Variants in TCF20 observed in about 807,000 individuals in gnomAD.
TCF20 encodes the protein transcription factor 20.
In TCF20, 3 loss-of-function variants were observed where a neutral mutation model predicts 148.6. The observed-to-expected ratio is 0.02, with a 90% CI of 0.01 to 0.05. The LOEUF (loss-of-function observed/expected upper bound fraction) is 0.05. Among genes scored for constraint, TCF20 ranks in the 10% least tolerant of loss-of-function variants. The pLI is 1.00. For synonymous variants in TCF20, 1,049 were observed against 909.5 expected (o/e 1.15, Z -2.76); for missense variants, 2,350 against 2,429.3 (o/e 0.97, Z 0.69).
At chr22:42,218,153 C>T (rs557254651) in intron 1 of TCF20, among the ~76,000 whole-genome samples, 2 of 152,316 alleles carry the variant, frequency 1.3e-5, no homozygotes, top group African/African-American at 4.8e-5. Flanking sequence ...ACAACACTAG[C>T]ACGCTCCTTT....
intron 5 of TCF20, among the ~76,000 whole-genome samples, chr22:42,166,309 T>C (rs1272782124): frequency 6.6e-6 from 1 of 152,140 alleles, no homozygotes; most frequent in Non-Finnish European, 1.5e-5. Context: ...TGAAGCTCAT[T>C]GTTCTGTTCA....
intron 2 of TCF20, among the ~76,000 whole-genome samples, chr22:42,193,235 A>G (rs1012457086): frequency 1.3e-5 from 2 of 151,970 alleles, no homozygotes; most frequent in Admixed American, 6.5e-5. Flanking sequence ...AATATAACCA[A>G]GTTTAGAAAT....
chr22:42,339,167 C>T (rs1045147772), intron 1 of TCF20, among the ~76,000 whole-genome samples: 1 of 152,234 alleles, frequency 6.6e-6, no homozygotes, highest in African/African-American at 2.4e-5. Context: ...GCACCCAAGG[C>T]TCAGACTCCT....
chr22:42,228,264 G>A (rs558323993), intron 1 of TCF20, among the ~76,000 whole-genome samples: 1 of 152,186 alleles, frequency 6.6e-6, no homozygotes, highest in African/African-American at 2.4e-5. Context: ...CAGTCAAAAC[G>A]GACACAGTCT....
intron 1 of TCF20, among the ~76,000 whole-genome samples, chr22:42,322,207 G>GT (rs1927745272): frequency 6.6e-6 from 1 of 151,866 alleles, no homozygotes; most frequent in African/African-American, 2.4e-5. Context: ...AGAATAAAGA[G>GT]TTCATTCATT....
At chr22:42,240,239 T>G (rs895150173) in intron 1 of TCF20, among the ~76,000 whole-genome samples, 1 of 152,152 alleles carries the variant, frequency 6.6e-6, no homozygotes, top group Non-Finnish European at 1.5e-5. Context: ...GAGCTGGGAT[T>G]CAAAAATCAG....
intron 1 of TCF20, among the ~76,000 whole-genome samples, chr22:42,311,266 T>G (rs1240211647): frequency 1.3e-5 from 2 of 152,226 alleles, no homozygotes; most frequent in African/African-American, 4.8e-5. Flanking sequence ...GGGGGCTGCC[T>G]AAGTGCTTCA....
intron 2 of TCF20, among the ~76,000 whole-genome samples, chr22:42,194,414 A>G (rs1487471191): frequency 6.6e-6 from 1 of 152,220 alleles, no homozygotes; most frequent in Non-Finnish European, 1.5e-5. Flanking sequence ...AAACTAAAAC[A>G]TTAGTAGTTG....
chr22:42,257,852 G>GC (rs926949399), intron 1 of TCF20, among the ~76,000 whole-genome samples: 1 of 152,150 alleles, frequency 6.6e-6, no homozygotes, highest in African/African-American at 2.4e-5. Context: ...AGATGAGAGT[G>GC]CCCCCCTGCC....
intron 1 of TCF20, among the ~76,000 whole-genome samples, chr22:42,244,961 T>C (rs1218335854): frequency 6.6e-6 from 1 of 151,958 alleles, no homozygotes; most frequent in Non-Finnish European, 1.5e-5. Flanking sequence ...TGCGCACCTG[T>C]AATCCTAGCT....
intron 1 of TCF20, among the ~76,000 whole-genome samples, chr22:42,249,825 C>G (rs1013290977): frequency 6.6e-6 from 1 of 152,198 alleles, no homozygotes; most frequent in African/African-American, 2.4e-5. Flanking sequence ...CACATCATTT[C>G]TAATACTGGA....
At chr22:42,256,315 T>C (rs1036147709) in intron 1 of TCF20, among the ~76,000 whole-genome samples, 1 of 152,232 alleles carries the variant, frequency 6.6e-6, no homozygotes, top group African/African-American at 2.4e-5. Flanking sequence ...TGTGTGTGCC[T>C]AGCATGGCAA....
At chr22:42,316,499 C>A (rs901074485) in intron 1 of TCF20, among the ~76,000 whole-genome samples, 1 of 152,150 alleles carries the variant, frequency 6.6e-6, no homozygotes, top group African/African-American at 2.4e-5. Context: ...CAGAGAAGGG[C>A]GAGGTGGGCA....
intron 1 of TCF20, among the ~76,000 whole-genome samples, chr22:42,293,564 A>G (rs1359177555): frequency 6.6e-6 from 1 of 151,930 alleles, no homozygotes; most frequent in East Asian, 1.9e-4. Flanking sequence ...TCCCTGCCTG[A>G]CTCTGTAAGG....
chr22:42,318,198 C>A (rs1927668316), intron 1 of TCF20, among the ~76,000 whole-genome samples: 1 of 152,244 alleles, frequency 6.6e-6, no homozygotes, highest in South Asian at 2.1e-4. Context: ...GTTTGGGGAA[C>A]GGCTGGATCT....
At chr22:42,230,383 C>A (rs1448028646) in intron 1 of TCF20, among the ~76,000 whole-genome samples, 1 of 152,158 alleles carries the variant, frequency 6.6e-6, no homozygotes, top group East Asian at 1.9e-4. Flanking sequence ...ATAGCACATA[C>A]AACTATGTAC....
chr22:42,272,180 C>T (rs2147006261), upstream of TCF20, among the ~76,000 whole-genome samples: 1 of 152,348 alleles, frequency 6.6e-6, no homozygotes, highest in South Asian at 2.1e-4. Flanking sequence ...GCCCTGCCCT[C>T]TGATTATTCC....
intron 1 of TCF20, among the ~76,000 whole-genome samples, chr22:42,238,435 T>C (rs776612316): frequency 1.9e-4 from 29 of 152,262 alleles, no homozygotes; most frequent in Non-Finnish European, 2.9e-4. Flanking sequence ...TTCTCATTCA[T>C]GTGTTCACTG....
chr22:42,295,251 C>G (rs1195290939), intron 1 of TCF20, among the ~76,000 whole-genome samples: 2 of 152,224 alleles, frequency 1.3e-5, no homozygotes, highest in African/African-American at 2.4e-5. Context: ...CATAGCCACC[C>G]TAAACTCCTC....
Sources: allele counts gnomAD v4.1 joint callset (sites outside exome capture counted in the v4.1 genomes callset), GRCh38; gene constraint gnomAD v4.1.1; transcripts MANE v1.5; gene names NCBI Gene and HGNC (gene_info 2026-07-23, HGNC 2026-07-21).